Variants in ABHD12 observed in about 807,000 individuals in gnomAD.
The protein encoded by ABHD12 is abhydrolase domain containing 12, lysophospholipase, also known as lysophosphatidylserine lipase ABHD12.
ABHD12 carries 43 observed loss-of-function variants against 58.3 expected under a neutral mutation model. That is an observed-to-expected ratio of 0.74 (90% CI 0.58 to 0.95). The LOEUF is 0.95. ABHD12 is among the 40% of genes least tolerant of loss of function. ABHD12 has a pLI of 0.00. For missense variants in ABHD12, 539 were observed against 537.2 expected (o/e 1.00, Z -0.03); for synonymous variants, 219 against 211.2 (o/e 1.04, Z -0.32).
At chr20:25,303,387 C>A in intron 11 of ABHD12, 163 bp downstream of exon 11, 1 of 1,518,094 alleles carries the variant, frequency 6.6e-7, no homozygotes, top group Non-Finnish European at 8.8e-7. Flanking sequence ...GGAGGTGACG[C>A]AGGGAGGATG....
Position 25,355,031 on chromosome 20 carries a change from T to G in ABHD12, c.192-15680A>C, listed in dbSNP as rs541851842. Among the ~76,000 whole-genome samples the G allele has an allele frequency of 2.0e-5, 3 of 152,306 alleles. No homozygotes were observed. The East Asian group carries it at 5.8e-4, about 29-fold the overall frequency. On this transcript the variant is annotated intron_variant, in intron 1 of 12. Transcript: ENST00000339157. ...TAAGAGGTCTGAGCTGTCAATGATT[T>G]TGTATTTGGATCAGGAAACAGGAAA...
intron 1 of ABHD12, among the ~76,000 whole-genome samples, chr20:25,354,219 C>T (rs6050561): frequency 0.54 from 82,225 of 152,058 alleles, 22,816 homozygotes; most frequent in Admixed American, 0.61. Context: ...GGCAGTAAAG[C>T]AAAAACCAAA....
At chr20:25,308,429 C>G in intron 8 of ABHD12, 28 bp downstream of exon 8, 1 of 1,608,472 alleles carries the variant, frequency 6.2e-7, no homozygotes, top group Non-Finnish European at 8.5e-7. Context: ...TGCTCACTGC[C>G]ACGGCTGGGG....
At chr20:25,329,837 T>C (rs558142041) in intron 2 of ABHD12, among the ~76,000 whole-genome samples, 1 of 151,818 alleles carries the variant, frequency 6.6e-6, no homozygotes, top group African/African-American at 2.4e-5. Context: ...ACCTTCCGTA[T>C]GAAAAAAGGG....
At chr20:25,353,690 G>A (rs2089631638) in intron 1 of ABHD12, among the ~76,000 whole-genome samples, 1 of 152,112 alleles carries the variant, frequency 6.6e-6, no homozygotes, top group African/African-American at 2.4e-5. Flanking sequence ...TCCTTCCAAG[G>A]TCCAGGAAAT....
intron 1 of ABHD12, among the ~76,000 whole-genome samples, chr20:25,342,592 T>C (rs182295302): frequency 2.0e-5 from 3 of 152,008 alleles, no homozygotes; most frequent in Non-Finnish European, 2.9e-5. Flanking sequence ...ACCGGTAAAG[T>C]TTTTTTGTTG....
chr20:25,330,374 G>C (rs2089251417), intron 2 of ABHD12, among the ~76,000 whole-genome samples: 1 of 152,244 alleles, frequency 6.6e-6, no homozygotes, highest in African/African-American at 2.4e-5. Context: ...CAAGGCAGCA[G>C]CGAGGCTTGG....
intron 1 of ABHD12, among the ~76,000 whole-genome samples, chr20:25,350,485 C>T (rs1320976927): frequency 1.3e-5 from 2 of 152,196 alleles, no homozygotes; most frequent in Non-Finnish European, 2.9e-5. Flanking sequence ...GGGAGTTCCA[C>T]TGCACAAGCT....
intron 8 of ABHD12, 45 bp from the exon 9 acceptor site, chr20:25,308,090 G>T: frequency 7.6e-7 from 1 of 1,322,440 alleles, no homozygotes; most frequent in African/African-American, 1.4e-5. Context: ...GGAAGCCAGC[G>T]ACATACATGT....
At chr20:25,350,947 C>G (rs1172690165) in intron 1 of ABHD12, among the ~76,000 whole-genome samples, 1 of 147,460 alleles carries the variant, frequency 6.8e-6, no homozygotes, top group Non-Finnish European at 1.5e-5. Flanking sequence ...AGGCTTCCAT[C>G]CTACGAATCC....
intron 3 of ABHD12, among the ~76,000 whole-genome samples, chr20:25,321,086 C>T (rs2089057760): frequency 6.6e-6 from 1 of 152,246 alleles, no homozygotes; most frequent in Admixed American, 6.5e-5. Flanking sequence ...TTTTCTAGAT[C>T]TTAAGCTTCA....
At chr20:25,315,566 G>GA (rs1447861868) in intron 5 of ABHD12, among the ~76,000 whole-genome samples, 1 of 151,732 alleles carries the variant, frequency 6.6e-6, no homozygotes, top group Non-Finnish European at 1.5e-5. Flanking sequence ...ATGTCACCCA[G>GA]AATCACAGCT....
At chr20:25,388,964 G>A (rs1335275568) in intron 1 of ABHD12, among the ~76,000 whole-genome samples, 4 of 151,698 alleles carry the variant, frequency 2.6e-5, no homozygotes, top group Non-Finnish European at 5.9e-5. Flanking sequence ...GCGCCACCAC[G>A]CCCGGCTAAT....
intron 1 of ABHD12, among the ~76,000 whole-genome samples, chr20:25,381,869 G>A (rs2090026601): frequency 6.6e-6 from 1 of 152,096 alleles, no homozygotes; most frequent in South Asian, 2.1e-4. Context: ...CGTTGGCCAG[G>A]CTGGTCCTGA....
At chr20:25,303,316 C>T in intron 11 of ABHD12, 1 of 1,415,104 alleles carries the variant, frequency 7.1e-7, no homozygotes, top group Admixed American at 2.4e-5. Context: ...TTGGAGACAG[C>T]ATCAGTGGGC....
intron 7 of ABHD12, among the ~76,000 whole-genome samples, chr20:25,309,228 A>G (rs1158007979): frequency 6.6e-6 from 1 of 152,002 alleles, no homozygotes; most frequent in African/African-American, 2.4e-5. Context: ...TCCACTGCCT[A>G]TGTCTGTCCT....
Position 25,309,721 on chromosome 20 carries a change from G to A in ABHD12, c.620-146C>T, listed in dbSNP as rs1330062540. On this transcript the variant is annotated intron_variant, in intron 6 of 12. Coordinates refer to ENST00000339157, the MANE Select transcript of ABHD12 (RefSeq NM_001042472.3). ...CTTCCAGAGTCCACAGACCCACCCAGGCCACTGGGCAGAGCAAGCAGTGGG... is the reference window on the plus strand; with the variant it reads ...CTTCCAGAGTCCACAGACCCACCCAAGCCACTGGGCAGAGCAAGCAGTGGG... 7.6e-6 allele frequency: 9 copies of A among 1,183,542 alleles called. No individual in the cohort carries two copies. The East Asian group carries it at 2.2e-4, about 29-fold the overall frequency. The allele number at this position is 1,183,542 out of a possible 1,614,324, so 73.3% of individuals were successfully genotyped here.
At chr20:25,322,171 C>T (rs1177785997) in intron 3 of ABHD12, among the ~76,000 whole-genome samples, 3 of 151,706 alleles carry the variant, frequency 2.0e-5, no homozygotes, top group African/African-American at 7.3e-5. Context: ...CACTTGTGTA[C>T]AGAAGAAAAC....
intron 1 of ABHD12, among the ~76,000 whole-genome samples, chr20:25,354,497 C>T (rs1265561425): frequency 6.6e-6 from 1 of 152,130 alleles, no homozygotes; most frequent in African/African-American, 2.4e-5. Context: ...CTATTCATGC[C>T]TCATAGTCTA....
Sources: gnomAD v4.1 joint callset for allele counts (sites outside exome capture counted in the v4.1 genomes callset) on GRCh38, gnomAD v4.1.1 for gene constraint, MANE v1.5 for transcripts, NCBI Gene and HGNC (gene_info 2026-07-23, HGNC 2026-07-21) for gene names.